Variants in SHPRH observed in about 807,000 individuals in gnomAD.
The protein encoded by SHPRH is SNF2 histone linker PHD RING helicase, also known as E3 ubiquitin-protein ligase SHPRH.
In SHPRH, 106 loss-of-function variants were observed where a neutral mutation model predicts 202.5. The observed-to-expected ratio is 0.52, with a 90% CI of 0.45 to 0.62. The LOEUF is 0.62. SHPRH is among the 20% of genes least tolerant of loss of function. The probability of loss-of-function intolerance (pLI) is 0.00; values close to 1 mark genes in which losing one functional copy is unlikely to be tolerated. For synonymous variants in SHPRH, 729 were observed against 686.0 expected (o/e 1.06, Z -0.98); for missense variants, 1,710 against 2,020.0 (o/e 0.85, Z 2.94).
At chr6:145,914,177 T>A (rs1218387445) in intron 23 of SHPRH, among the ~76,000 whole-genome samples, 3 of 152,068 alleles carry the variant, frequency 2.0e-5, no homozygotes, top group Non-Finnish European at 4.4e-5. Context: ...TGGGGTTGGA[T>A]GGTCTATGAT....
At chr6:145,872,127 T>C (rs1243201950) in intron 2 of SHPRH, among the ~76,000 whole-genome samples, 2 of 152,190 alleles carry the variant, frequency 1.3e-5, no homozygotes, top group African/African-American at 4.8e-5. Flanking sequence ...ATTTAGGATA[T>C]AGGCATTGGC....
intron 14 of SHPRH, among the ~76,000 whole-genome samples, chr6:145,932,599 A>G (rs991741775): frequency 6.6e-6 from 1 of 152,180 alleles, no homozygotes; most frequent in African/African-American, 2.4e-5. Context: ...TTACCATATC[A>G]TCGTTACCTA....
In SHPRH at chr6:145,919,491, A is replaced by G. The variant is rs569206811; in HGVS notation, c.4009T>C (p.Leu1337=). ...AGAGCCATCCAATATTCATGAAGCAACTGAAGGAATAGAAAAGACAAACAC... is the reference window on the plus strand; with the variant it reads ...AGAGCCATCCAATATTCATGAAGCAGCTGAAGGAATAGAAAAGACAAACAC... The part of the protein sequence containing the change: ...LFEAWKKEYK[L]LHEYWMALRN... Residue 1337 remains leucine, a splice_region_variant and synonymous_variant, in exon 22 of 30, where the codon TTG becomes CTG. Transcript: ENST00000275233. 2 of 1,612,350 alleles carry G rather than the reference A, an allele frequency of 1.2e-6. No individual in the cohort carries two copies. Among genetic ancestry groups the G allele is most frequent in the South Asian group, 2.2e-5 (2 of 90,948 alleles).
chr6:145,878,533 T>G (rs1178368323), intron 2 of SHPRH, among the ~76,000 whole-genome samples: 2 of 152,236 alleles, frequency 1.3e-5, no homozygotes, highest in Non-Finnish European at 2.9e-5. Flanking sequence ...TCTTTTCATG[T>G]GCTTATTGGT....
intron 25 of SHPRH, among the ~76,000 whole-genome samples, chr6:145,902,067 C>T (rs1338638925): frequency 6.6e-6 from 1 of 152,008 alleles, no homozygotes; most frequent in African/African-American, 2.4e-5. Context: ...GTTTTCTGCT[C>T]AAGTCAGCAG....
chr6:145,892,749 G>A (rs1781674745), intron 28 of SHPRH, among the ~76,000 whole-genome samples: 1 of 151,966 alleles, frequency 6.6e-6, no homozygotes, highest in Non-Finnish European at 1.5e-5. Flanking sequence ...AGCTGACCTA[G>A]GGGGTGTCTT....
At position 145,950,424 on chromosome 6, in the gene SHPRH, G is replaced by A. The variant is rs752810362; in HGVS notation, c.822C>T (p.Asp274=). 23 of 1,613,092 alleles carry A rather than the reference G, an allele frequency of 1.4e-5. No homozygotes were observed. The highest frequency in any genetic ancestry group is 1.6e-4 in the Middle Eastern group (1 of 6,072). The change falls in exon 4 of 30, where the codon GAC becomes GAT. Residue 274 remains aspartate, a synonymous_variant. Coordinates refer to ENST00000275233, the MANE Select transcript of SHPRH (RefSeq NM_001042683.3). The part of the protein sequence containing the change: ...PESEPEGQDI[D]ELYHFVKQTH... ...TTTGTTTCACAAAGTGATACAGCTC[G>A]TCAATGTCTTGTCCCTCTGGCTCAC...
At chr6:145,940,248 T>TA (rs1786610078) in intron 11 of SHPRH, among the ~76,000 whole-genome samples, 1 of 152,170 alleles carries the variant, frequency 6.6e-6, no homozygotes, top group Non-Finnish European at 1.5e-5. Context: ...TAATAACTTA[T>TA]ATAATTACTA....
chr6:145,861,758 C>T (rs187804970), downstream of SHPRH, among the ~76,000 whole-genome samples: 2 of 152,170 alleles, frequency 1.3e-5, no homozygotes, highest in South Asian at 2.1e-4. Context: ...CATATACACA[C>T]CCACATACAT....
At chr6:145,888,606 A>C (rs1302954688) in intron 28 of SHPRH, among the ~76,000 whole-genome samples, 4 of 152,148 alleles carry the variant, frequency 2.6e-5, no homozygotes, top group African/African-American at 9.7e-5. Context: ...CCAGGATGTG[A>C]CCAAGCATTT....
chr6:145,912,078 C>T (rs1291097284), intron 24 of SHPRH, among the ~76,000 whole-genome samples: 1 of 150,976 alleles, frequency 6.6e-6, no homozygotes, highest in Non-Finnish European at 1.5e-5. Flanking sequence ...CCTACATGTG[C>T]AATGGAGAAG....
In SHPRH at chr6:145,947,658, A is replaced by T; in HGVS notation, c.1062-15T>A. The T allele has an allele frequency of 3.1e-6, 5 of 1,611,304 alleles. No individual in the cohort carries two copies. Among genetic ancestry groups the T allele is most frequent in the Non-Finnish European group, 4.2e-6 (5 of 1,178,510 alleles). On this transcript the variant is annotated splice_polypyrimidine_tract_variant and intron_variant, in intron 5 of 29. Transcript: ENST00000275233. ...CACGAATGATGCTGAGGAAAAAAAC[A>T]AGATAAATCACATCATAGGAATGTG... is the stretch of plus-strand genomic sequence containing the variant.
Position 145,935,062 on chromosome 6 carries a change from C to G in SHPRH, c.2835G>C (p.Val945=). ...HRQHEVCCQD[V]VVKLRKISDW... ...CAGAAATCTTCCTGAGTTTTACCAC[C>G]ACATCCTGGCAGCACACCTCATGCT... is the stretch of plus-strand genomic sequence containing the variant. Residue 945 remains valine, a synonymous_variant, in exon 13 of 30, where the codon GTG becomes GTC. Coordinates refer to ENST00000275233, the MANE Select transcript of SHPRH (RefSeq NM_001042683.3). The G allele has an allele frequency of 6.2e-7, 1 of 1,613,918 alleles. No homozygotes were observed.
intron 3 of SHPRH, chr6:145,951,916 T>C (rs1216784276): frequency 4.4e-6 from 2 of 455,746 alleles, no homozygotes; most frequent in South Asian, 1.6e-5. Flanking sequence ...TGACCAAAGA[T>C]GCAACGTCTT....
intron 1 of SHPRH, among the ~76,000 whole-genome samples, chr6:145,960,956 A>C (rs1187486614): frequency 1.3e-5 from 2 of 152,000 alleles, no homozygotes; most frequent in East Asian, 3.9e-4. Flanking sequence ...AGAAGTGCAC[A>C]ACCTAGATCC....
chr6:145,877,243 T>C (rs1486140607), intron 2 of SHPRH, among the ~76,000 whole-genome samples: 1 of 152,194 alleles, frequency 6.6e-6, no homozygotes, highest in Non-Finnish European at 1.5e-5. Flanking sequence ...ATAAATGGTT[T>C]TCCAAAGCAG....
At chr6:145,940,835 T>A (rs1186791135) in intron 10 of SHPRH, 34 bp from the exon 11 acceptor site, 25 of 1,607,494 alleles carry the variant, frequency 1.6e-5, no homozygotes, top group Non-Finnish European at 2.1e-5. Flanking sequence ...AAAAATGAAA[T>A]CCAGAAAACC....
chr6:145,923,185 TGAG>T (rs1242485778), intron 18 of SHPRH, among the ~76,000 whole-genome samples: 2 of 151,706 alleles, frequency 1.3e-5, no homozygotes, highest in South Asian at 2.1e-4. Context: ...TTGCTCTATA[TGAG>T]GAGGTGCCTG....
At chr6:145,952,633 C>T (rs9386142) in intron 2 of SHPRH, among the ~76,000 whole-genome samples, 155 bp from the exon 3 acceptor site, 83,311 of 151,862 alleles carry the variant, frequency 0.55, 23,337 homozygotes, top group Admixed American at 0.67. Flanking sequence ...ATTTCCCCCA[C>T]GTGTTTCATT....
Sources: allele counts gnomAD v4.1 joint callset (sites outside exome capture counted in the v4.1 genomes callset), GRCh38; gene constraint gnomAD v4.1.1; transcripts MANE v1.5; gene names NCBI Gene and HGNC (gene_info 2026-07-23, HGNC 2026-07-21).